Variants in SPTA1 observed in about 807,000 individuals in gnomAD.
The protein encoded by SPTA1 is spectrin alpha chain, erythrocytic 1.
In SPTA1, 177 loss-of-function variants were observed where a neutral mutation model predicts 324.7. The observed-to-expected ratio is 0.55, with a 90% CI of 0.48 to 0.62. The LOEUF (loss-of-function observed/expected upper bound fraction) is 0.62, where lower values mean the gene tolerates loss of function less well. SPTA1 is among the 20% of genes least tolerant of loss of function. The pLI, the probability that SPTA1 is intolerant of heterozygous loss-of-function variation, is 0.00. For synonymous variants in SPTA1, 1,195 were observed against 1,041.3 expected (o/e 1.15, Z -2.84); for missense variants, 3,162 against 2,883.6 (o/e 1.10, Z -2.21).
rs559656890 is a variant in SPTA1 at position 158,668,688 on chromosome 1, A to G, written c.1834-626T>C. Among the ~76,000 whole-genome samples the G allele has an allele frequency of 6.6e-4, 101 of 152,334 alleles. 1 individual carries two copies. Among genetic ancestry groups the G allele is most frequent in the African/African-American group, 2.2e-3 (90 of 41,580 alleles). On this transcript the variant is annotated intron_variant, in intron 14 of 51. Coordinates refer to ENST00000643759, the MANE Select transcript of SPTA1 (RefSeq NM_003126.4). ...TTGTAAACATACAAGTGTGTACATA[A>G]TAGTTTATATTATATAACATTTTTG... is the stretch of plus-strand genomic sequence containing the variant.
intron 1 of SPTA1, among the ~76,000 whole-genome samples, chr1:158,686,232 G>A (rs1221405242): frequency 5.3e-5 from 8 of 152,156 alleles, no homozygotes; most frequent in South Asian, 2.1e-4. Context: ...GGAGACTCAC[G>A]TTGTTACTAG....
intron 18 of SPTA1, among the ~76,000 whole-genome samples, chr1:158,660,193 G>C (rs934959972): frequency 6.6e-6 from 1 of 152,138 alleles, no homozygotes; most frequent in African/African-American, 2.4e-5. Context: ...ATTGCACTAA[G>C]TGTAAATTGT....
rs368830436 is a variant in SPTA1 at position 158,686,637 on chromosome 1, T to TGG, written c.-122_-121dup. 39 of 715,994 alleles carry TGG rather than the reference T, an allele frequency of 5.4e-5. No homozygotes were observed. In the African/African-American group the frequency reaches 9.2e-4, roughly 17 times the overall value. 44.4% of individuals were successfully genotyped at this position (715,994 alleles called of 1,614,324 possible). A position where few individuals can be genotyped will look rare whatever the true frequency, so the allele number is the denominator to read the frequency against. On this transcript the variant is annotated 5_prime_UTR_variant, in exon 1 of 52. It removes the in-frame stop codon of an upstream open reading frame in the 5' UTR. Coordinates refer to ENST00000643759, the MANE Select transcript of SPTA1 (RefSeq NM_003126.4). ...TAGAAATATAGAAACGTTAAGTATGTGGGGGAAAAAAAAAAACCTCTTGCT... is the reference window on the plus strand; with the variant it reads ...TAGAAATATAGAAACGTTAAGTATGTGGGGGGGAAAAAAAAAAACCTCTTGCT...
At chr1:158,621,964 ACG>A (rs1649941681) in intron 43 of SPTA1, among the ~76,000 whole-genome samples, 1 of 152,188 alleles carries the variant, frequency 6.6e-6, no homozygotes, top group Non-Finnish European at 1.5e-5. Flanking sequence ...TCCCGGGATC[ACG>A]CCGTTCTCCT....
In SPTA1 at chr1:158,674,532, T is replaced by G; in HGVS notation, c.1248+8A>C. The stretch of plus-strand genomic sequence containing the variant: ...CCCTCCTCCTACTGGGCAGCCTTTC[T>G]TCTCTACCTTATGCTGCTGATGCCT... On this transcript the variant is annotated splice_region_variant and intron_variant, in intron 9 of 51. Transcript: ENST00000643759. The G allele has an allele frequency of 6.2e-7, 1 of 1,614,112 alleles. No homozygotes were observed. Among genetic ancestry groups the G allele is most frequent in the Non-Finnish European group, 8.5e-7 (1 of 1,179,970 alleles).
Position 158,636,673 on chromosome 1 carries a change from C to A in SPTA1, c.5278G>T (p.Gly1760Trp), listed in dbSNP as rs574755915. 2 of 1,614,090 alleles carry A rather than the reference C, an allele frequency of 1.2e-6. No homozygotes were observed. Among genetic ancestry groups the A allele is most frequent in the Admixed American group, 1.7e-5 (1 of 60,004 alleles). The change falls in exon 37 of 52, where the codon GGG (glycine) becomes TGG (tryptophan). Residue 1760 changes from glycine (G) to tryptophan (W), a missense_variant. Transcript: ENST00000643759. ...NLLKKHKRLE[G>W]ELVAHEPAIQ... Reference sequence around the variant, plus strand: ...GCAGGCTCATGGGCCACCAGCTCCCCCTCTAGGCGTTTGTGCTTCTTCAGC... The same window carrying A: ...GCAGGCTCATGGGCCACCAGCTCCCACTCTAGGCGTTTGTGCTTCTTCAGC...
rs145647381 is a variant in SPTA1, at chr1:158,657,587, C to A, written c.2695G>T (p.Val899Phe). The A allele has an allele frequency of 3.1e-6, 5 of 1,614,106 alleles. No individual in the cohort carries two copies. Among genetic ancestry groups the A allele is most frequent in the Non-Finnish European group, 3.4e-6 (4 of 1,179,998 alleles). Residue 899 changes from valine to phenylalanine, a missense_variant, in exon 19 of 52, where the codon GTC becomes TTC. Coordinates refer to ENST00000643759, the MANE Select transcript of SPTA1 (RefSeq NM_003126.4). ...ARRQNDLEAN[V>F]QFQQYLADLH... is the part of the protein sequence containing the mutation. ...TCAGCCAGGTACTGCTGGAACTGGACATTGGCTTCAAGATCATTTTGTCGC... is the reference window on the plus strand; with the variant it reads ...TCAGCCAGGTACTGCTGGAACTGGAAATTGGCTTCAAGATCATTTTGTCGC...
chr1:158,639,605 C>T lies in SPTA1; in HGVS notation c.4957G>A (p.Glu1653Lys), dbSNP rs1425990130. 3 of 1,613,774 alleles carry T rather than the reference C, an allele frequency of 1.9e-6. No individual in the cohort carries two copies. In the African/African-American group the frequency reaches 4.0e-5, roughly 22 times the overall value. The change falls in exon 35 of 52, where the codon GAG becomes AAG. Residue 1653 changes from glutamate to lysine, a missense_variant. By Grantham distance (56) the Glu-to-Lys change is moderately conservative. Transcript: ENST00000643759. Reference protein sequence around the residue: ...GNLLKKHQLLEREMLAREDAL... With the variant: ...GNLLKKHQLLKREMLAREDAL... Reference sequence around the variant, plus strand: ...ACCTCTCGAGCCAACATCTCTCTCTCCAATAGCTGATGCTTCTTGAGTAGG... The same window carrying T: ...ACCTCTCGAGCCAACATCTCTCTCTTCAATAGCTGATGCTTCTTGAGTAGG...
At chr1:158,612,255 G>A (rs552910838) in intron 51 of SPTA1, 2 of 163,090 alleles carry the variant, frequency 1.2e-5, no homozygotes, top group African/African-American at 2.4e-5. Flanking sequence ...GTTCCTGCAC[G>A]TCCTTCAACA....
At chr1:158,668,385 C>T (rs916493946) in intron 14 of SPTA1, among the ~76,000 whole-genome samples, 2 of 152,046 alleles carry the variant, frequency 1.3e-5, no homozygotes, top group Non-Finnish European at 2.9e-5. Flanking sequence ...CATTCCTCAC[C>T]GCATACATGA....
At chr1:158,634,701 G>A (rs1650934533) in intron 38 of SPTA1, 26 bp from the exon 39 acceptor site, 1 of 1,613,768 alleles carries the variant, frequency 6.2e-7, no homozygotes, top group Non-Finnish European at 8.5e-7. Flanking sequence ...AAGCCCCAGT[G>A]AGGATAAGAA....
At chr1:158,667,697 T>G (rs1407608849) in intron 15 of SPTA1, among the ~76,000 whole-genome samples, 161 bp downstream of exon 15, 1 of 152,072 alleles carries the variant, frequency 6.6e-6, no homozygotes, top group East Asian at 1.9e-4. Context: ...TAAATTCAGG[T>G]TGGATTTTTA....
chr1:158,615,380 C>T lies in SPTA1; in HGVS notation c.6624G>A (p.Ala2208=), dbSNP rs763473161. Reference sequence around the variant, plus strand: ...CAATCTTGGTTAGTTGACGCTTCATCGCCTGGATCTCCTTCTGTTTTCTCT... The same window carrying T: ...CAATCTTGGTTAGTTGACGCTTCATTGCCTGGATCTCCTTCTGTTTTCTCT... ...ANKRKQKEIQ[A]MKRQLTKIVD... is the part of the protein sequence containing the mutation. Residue 2208 remains alanine (A), a synonymous_variant, in exon 48 of 52, where the codon GCG becomes GCA. Transcript: ENST00000643759. 2.5e-5 allele frequency: 40 copies of T among 1,613,932 alleles called. No homozygotes were observed. Among genetic ancestry groups the T allele is most frequent in the Middle Eastern group, 1.7e-4 (1 of 6,006 alleles).
Position 158,611,166 on chromosome 1 carries a change from C to CACACACAT in SPTA1, c.*97_*98insATGTGTGT, listed in dbSNP as rs1553221961. 6.5e-6 allele frequency: 9 copies of CACACACAT among 1,387,614 alleles called. No homozygotes were observed. The highest frequency in any genetic ancestry group is 5.8e-5 in the African/African-American group (4 of 69,392). The allele number at this position is 1,387,614 out of a possible 1,614,324, so 86.0% of individuals were successfully genotyped here. ...ACACACACACACACACACACACACACGAGGCCATCTTTATCTTCCACATTT... is the reference window on the plus strand; with the variant it reads ...ACACACACACACACACACACACACACACACACATGAGGCCATCTTTATCTTCCACATTT... On this transcript the variant is annotated 3_prime_UTR_variant, in exon 52 of 52. Transcript: ENST00000643759.
rs369038187 is a variant in SPTA1 at position 158,651,402 on chromosome 1, C to T, written c.3442G>A (p.Gly1148Arg). 1.4e-4 allele frequency: 231 copies of T among 1,613,806 alleles called. No homozygotes were observed. Among genetic ancestry groups the T allele is most frequent in the Non-Finnish European group, 1.9e-4 (220 of 1,179,894 alleles). ...TGAGCTCCTTCTGGTGTTAGAAGTC[C>T]TTCAAATAGTAGATCATCAGCTACC... Reference protein sequence around the residue: ...NKVADDLLFEGLLTPEGAQIR... With the variant: ...NKVADDLLFERLLTPEGAQIR... Residue 1148 changes from glycine (G) to arginine (R), a missense_variant, in exon 24 of 52, where the codon GGA (glycine) becomes AGA (arginine). By Grantham distance (125) the Gly-to-Arg change is moderately radical (BLOSUM62 -2). Coordinates refer to ENST00000643759, the MANE Select transcript of SPTA1 (RefSeq NM_003126.4).
chr1:158,680,554 A>C (rs1430635544), intron 5 of SPTA1, 29 bp downstream of exon 5: 37 of 1,613,354 alleles, frequency 2.3e-5, no homozygotes, highest in Non-Finnish European at 3.1e-5. Flanking sequence ...AACCCTTTGC[A>C]CGGAGTGAAT....
intron 26 of SPTA1, among the ~76,000 whole-genome samples, chr1:158,648,076 G>A (rs1378167522): frequency 6.6e-6 from 1 of 152,140 alleles, no homozygotes; most frequent in Non-Finnish European, 1.5e-5. Context: ...TATCTGACAA[G>A]CTCCAGAGTA....
intron 7 of SPTA1, among the ~76,000 whole-genome samples, chr1:158,676,947 A>C (rs921370350): frequency 5.9e-5 from 9 of 152,144 alleles, no homozygotes; most frequent in Non-Finnish European, 1.2e-4. Flanking sequence ...AAAAGACCAA[A>C]AACAACAACA....
intron 10 of SPTA1, among the ~76,000 whole-genome samples, chr1:158,672,810 A>G (rs1312853034): frequency 6.6e-6 from 1 of 152,104 alleles, no homozygotes; most frequent in South Asian, 2.1e-4. Flanking sequence ...AAAAAAGCAG[A>G]ATATGGCCAG....
Sources: gnomAD v4.1 joint callset for allele counts (sites outside exome capture counted in the v4.1 genomes callset) on GRCh38, gnomAD v4.1.1 for gene constraint, MANE v1.5 for transcripts, NCBI Gene and HGNC (gene_info 2026-07-23, HGNC 2026-07-21) for gene names.